The following PCCA variants were observed in gnomAD, a reference collection of about 807,000 sequenced individuals.
PCCA encodes the protein propionyl-CoA carboxylase alpha chain, mitochondrial.
In PCCA, 74 loss-of-function variants were observed where a neutral mutation model predicts 101.3. The ratio of observed to expected loss-of-function variants is 0.73; its 90% CI spans 0.61 to 0.89. The LOEUF is 0.89. Among genes scored for constraint, PCCA ranks in the 40% least tolerant of loss-of-function variants. PCCA has a pLI of 0.00. For synonymous variants in PCCA, 294 were observed against 313.6 expected (o/e 0.94, Z 0.66); for missense variants, 891 against 907.0 (o/e 0.98, Z 0.23).
intron 16 of PCCA, among the ~76,000 whole-genome samples, chr13:100,318,375 A>G (rs1346461683): frequency 2.0e-5 from 3 of 151,924 alleles, no homozygotes; most frequent in African/African-American, 7.3e-5. Flanking sequence ...TTAAGTTCTA[A>G]CAACGTGCAG....
chr13:100,444,413 A>G (rs1393958284), intron 20 of PCCA, among the ~76,000 whole-genome samples: 2 of 129,944 alleles, frequency 1.5e-5, no homozygotes, highest in Non-Finnish European at 3.2e-5. Flanking sequence ...CATGTTGGCC[A>G]GGCTGGTTTT....
chr13:100,527,101 G>GTT (rs912770452), intron 22 of PCCA, among the ~76,000 whole-genome samples: 2 of 145,390 alleles, frequency 1.4e-5, no homozygotes, highest in East Asian at 2.0e-4. Context: ...TTTGGTGGTG[G>GTT]TTTTTTTTTT....
intron 4 of PCCA, among the ~76,000 whole-genome samples, chr13:100,142,093 T>G (rs1024715347): frequency 1.3e-5 from 2 of 152,210 alleles, no homozygotes; most frequent in African/African-American, 4.8e-5. Flanking sequence ...GGGCAGATTT[T>G]TTTTTTCTCT....
chr13:100,509,451 C>T (rs960999690), intron 21 of PCCA, among the ~76,000 whole-genome samples: 2 of 152,090 alleles, frequency 1.3e-5, no homozygotes, highest in Non-Finnish European at 2.9e-5. Flanking sequence ...ACTTGTGGGA[C>T]GTAACATTTG....
chr13:100,209,575 C>T (rs958574034), intron 7 of PCCA, 112 bp downstream of exon 7: 23 of 759,580 alleles, frequency 3.0e-5, no homozygotes, highest in South Asian at 5.7e-5. Context: ...CACACACACA[C>T]ATATGCACGC....
intron 12 of PCCA, among the ~76,000 whole-genome samples, chr13:100,292,650 T>G (rs1383750345): frequency 1.3e-5 from 2 of 152,196 alleles, no homozygotes; most frequent in Non-Finnish European, 2.9e-5. Flanking sequence ...CTGTCTGACA[T>G]CTGAAAAGAT....
chr13:100,170,810 G>A (rs548556747), intron 6 of PCCA, among the ~76,000 whole-genome samples: 5 of 152,218 alleles, frequency 3.3e-5, no homozygotes, highest in African/African-American at 9.6e-5. Flanking sequence ...AAAATATATT[G>A]GATGTAAATT....
At chr13:100,119,193 T>C (rs1383282134) in intron 4 of PCCA, among the ~76,000 whole-genome samples, 2 of 152,222 alleles carry the variant, frequency 1.3e-5, no homozygotes, top group South Asian at 2.1e-4. Context: ...TTTTTTCTTA[T>C]GTATTTGAGG....
intron 22 of PCCA, among the ~76,000 whole-genome samples, chr13:100,516,819 G>C (rs566415115): frequency 6.6e-6 from 1 of 150,750 alleles, no homozygotes; most frequent in East Asian, 2.0e-4. Flanking sequence ...GTCGTAAGAG[G>C]ATAGTCTCGT....
intron 6 of PCCA, among the ~76,000 whole-genome samples, chr13:100,163,777 T>C (rs564645579): frequency 6.6e-6 from 1 of 152,336 alleles, no homozygotes; most frequent in Admixed American, 6.5e-5. Flanking sequence ...CATTTTATTA[T>C]TTGTTTTCTC....
Position 100,424,022 on chromosome 13 carries a change from T to C in PCCA, c.1747-1611T>C, listed in dbSNP as rs997692540. On this transcript the variant is annotated intron_variant, in intron 19 of 23. Transcript: ENST00000376285. ...AGTCGGCCCATGGGCTCTGCATCTGTGGATCCAACCAACTGCAGATATTTG... is the reference window on the plus strand; with the variant it reads ...AGTCGGCCCATGGGCTCTGCATCTGCGGATCCAACCAACTGCAGATATTTG... Among the ~76,000 whole-genome samples, 5 of 152,314 alleles carry C rather than the reference T, an allele frequency of 3.3e-5. No individual in the cohort carries two copies. In the South Asian group the frequency reaches 1.0e-3, roughly 32 times the overall value.
At chr13:100,344,602 T>C (rs2071908528) in intron 18 of PCCA, among the ~76,000 whole-genome samples, 1 of 152,192 alleles carries the variant, frequency 6.6e-6, no homozygotes, top group Admixed American at 6.5e-5. Context: ...CATAGAGCGC[T>C]AGTTTGGGGG....
At chr13:100,409,854 G>C (rs1207938955) in intron 19 of PCCA, among the ~76,000 whole-genome samples, 1 of 151,896 alleles carries the variant, frequency 6.6e-6, no homozygotes, top group Non-Finnish European at 1.5e-5. Flanking sequence ...TGCAACCTCT[G>C]CCTCCTAGGT....
Position 100,320,700 on chromosome 13 carries a change from T to G in PCCA, c.1430-9861T>G, listed in dbSNP as rs190278529. On this transcript the variant is annotated intron_variant, in intron 16 of 23. Transcript: ENST00000376285. Reference sequence around the variant, plus strand: ...CCACTTGATCATGGTGGATAAGCTTTTTGATGTGCTGCTGGATTTGGTTTG... The same window carrying G: ...CCACTTGATCATGGTGGATAAGCTTGTTGATGTGCTGCTGGATTTGGTTTG... 6.3e-3 allele frequency among the ~76,000 whole-genome samples: 965 copies of G among 152,254 alleles called. 5 individuals are homozygous for G. Among genetic ancestry groups the G allele is most frequent in the Non-Finnish European group, 0.01 (703 of 68,016 alleles).
In PCCA at chr13:100,348,787, T is replaced by TCTTTCTTCCTTCCTTCCTTC. The variant is rs1298483783; in HGVS notation, c.1643+8531_1643+8532insTCTTCCTTCCTTCCTTCCTT. On this transcript the variant is annotated intron_variant, in intron 18 of 23. Transcript: ENST00000376285. ...TTCTTTCTTTCTTTCTTTCTTTCTT[T>TCTTTCTTCCTTCCTTCCTTC]CTTCCTTCCTTCCTTCCTTCCTTCC... Among the ~76,000 whole-genome samples, 9 of 46,644 alleles carry TCTTTCTTCCTTCCTTCCTTC rather than the reference T, an allele frequency of 1.9e-4. No individual in the cohort carries two copies. The East Asian group carries it at 2.1e-3, about 11-fold the overall frequency. 30.6% of individuals were successfully genotyped at this position (46,644 alleles called of 152,430 possible).
At chr13:100,133,780 A>G (rs988965387) in intron 4 of PCCA, among the ~76,000 whole-genome samples, 4 of 152,134 alleles carry the variant, frequency 2.6e-5, no homozygotes, top group South Asian at 4.1e-4. Flanking sequence ...CCCACCCCCA[A>G]TCTGGGTGGG....
At chr13:100,146,105 A>G (rs913048201) in intron 4 of PCCA, among the ~76,000 whole-genome samples, 6 of 150,166 alleles carry the variant, frequency 4.0e-5, no homozygotes, top group African/African-American at 1.2e-4. Flanking sequence ...ACACTCGGCT[A>G]ATTTTTTGTA....
Position 100,530,244 on chromosome 13 carries a change from A to C in PCCA, c.*78A>C, listed in dbSNP as rs1178417074. 8.7e-7 allele frequency: 1 copy of C among 1,149,032 alleles called. No individual in the cohort carries two copies. The highest frequency in any genetic ancestry group is 1.3e-6 in the Non-Finnish European group (1 of 761,126). The allele number at this position is 1,149,032 out of a possible 1,614,324, so 71.2% of individuals were successfully genotyped here. Reference sequence around the variant, plus strand: ...GCTTTCACACACAATTGATTCAAGCATTATACAGGAACACCCCTGTGCAGC... The same window carrying C: ...GCTTTCACACACAATTGATTCAAGCCTTATACAGGAACACCCCTGTGCAGC... On this transcript the variant is annotated 3_prime_UTR_variant, in exon 24 of 24. Coordinates refer to ENST00000376285, the MANE Select transcript of PCCA (RefSeq NM_000282.4).
intron 4 of PCCA, chr13:100,149,610 G>A (rs1253591188): frequency 6.6e-6 from 1 of 152,218 alleles, no homozygotes; most frequent in East Asian, 1.9e-4. Context: ...CAGCCAAGGA[G>A]TGCATCTAGT....
Sources: allele counts gnomAD v4.1 joint callset (sites outside exome capture counted in the v4.1 genomes callset), GRCh38; gene constraint gnomAD v4.1.1; transcripts MANE v1.5; gene names NCBI Gene and HGNC (gene_info 2026-07-23, HGNC 2026-07-21).